Variants in ADCY3 observed in about 807,000 individuals in gnomAD.
The protein encoded by ADCY3 is adenylate cyclase 3.
A neutral mutation model predicts 119.4 loss-of-function variants in ADCY3; 70 were observed. The observed-to-expected ratio is 0.59, with a 90% CI of 0.48 to 0.72. The LOEUF (loss-of-function observed/expected upper bound fraction) is 0.72. Among genes scored for constraint, ADCY3 ranks in the 30% least tolerant of loss-of-function variants. The probability of loss-of-function intolerance (pLI) is 0.00; values close to 1 mark genes in which losing one functional copy is unlikely to be tolerated. For synonymous variants in ADCY3, 672 were observed against 621.4 expected (o/e 1.08, Z -1.21); for missense variants, 1,238 against 1,541.6 (o/e 0.80, Z 3.30).
At chr2:24,882,882 C>T (rs546534631) in intron 2 of ADCY3, among the ~76,000 whole-genome samples, 1 of 152,012 alleles carries the variant, frequency 6.6e-6, no homozygotes, top group Non-Finnish European at 1.5e-5. Context: ...CTTGGTGAAA[C>T]CCCGTCTCTA....
chr2:24,870,168 A>C (rs1023817465), intron 3 of ADCY3, among the ~76,000 whole-genome samples: 3 of 151,372 alleles, frequency 2.0e-5, no homozygotes, highest in African/African-American at 7.3e-5. Context: ...AAAAAAAAAA[A>C]AAATTAGCCA....
chr2:24,911,799 T>G (rs1663720229), intron 2 of ADCY3, among the ~76,000 whole-genome samples: 1 of 152,022 alleles, frequency 6.6e-6, no homozygotes, highest in Non-Finnish European at 1.5e-5. Context: ...TATTCCTGCC[T>G]CAGCCTCCCA....
At chr2:24,891,476 G>A (rs1351098123) in intron 2 of ADCY3, among the ~76,000 whole-genome samples, 1 of 152,146 alleles carries the variant, frequency 6.6e-6, no homozygotes, top group African/African-American at 2.4e-5. Context: ...TTCTGTTCAA[G>A]TAGCCCTTAT....
At chr2:24,838,811 G>A in intron 7 of ADCY3, 189 bp from the exon 8 acceptor site, 1 of 1,607,202 alleles carries the variant, frequency 6.2e-7, no homozygotes, top group Non-Finnish European at 8.5e-7. Context: ...AGCTGTGTGG[G>A]CCGCTAACTA....
At chr2:24,848,779 C>CTTAA (rs1461452369) in intron 3 of ADCY3, among the ~76,000 whole-genome samples, 1 of 152,188 alleles carries the variant, frequency 6.6e-6, no homozygotes, top group Non-Finnish European at 1.5e-5. Flanking sequence ...AAAGACAGGG[C>CTTAA]TTAATGTTCC....
chr2:24,839,420 C>A (rs530828666), intron 7 of ADCY3, among the ~76,000 whole-genome samples: 1 of 152,368 alleles, frequency 6.6e-6, no homozygotes, highest in East Asian at 1.9e-4. Context: ...AAGGCAGGGC[C>A]TCCATTATCC....
intron 3 of ADCY3, among the ~76,000 whole-genome samples, chr2:24,857,289 G>T (rs1042609256): frequency 6.6e-6 from 1 of 152,262 alleles, no homozygotes; most frequent in African/African-American, 2.4e-5. Flanking sequence ...ATGGCCACGT[G>T]TGTGGTACCT....
intron 3 of ADCY3, among the ~76,000 whole-genome samples, chr2:24,868,318 G>A (rs1178316958): frequency 6.6e-6 from 1 of 152,196 alleles, no homozygotes; most frequent in Non-Finnish European, 1.5e-5. Flanking sequence ...ACAATGTAAT[G>A]AGTGAGATCT....
chr2:24,903,020 G>A (rs1465794756), intron 2 of ADCY3, among the ~76,000 whole-genome samples: 4 of 152,076 alleles, frequency 2.6e-5, no homozygotes, highest in Non-Finnish European at 5.9e-5. Flanking sequence ...GGTGGCGGGC[G>A]CCTATAGTCC....
In ADCY3 at chr2:24,819,209, T is replaced by TTTATCAATACCTGTAAATTCTCTTAA. The variant is rs1667151646; in HGVS notation, c.*697_*722dup. The TTTATCAATACCTGTAAATTCTCTTAA allele has an allele frequency of 6.6e-6, 1 of 152,632 alleles. No homozygotes were observed. Among genetic ancestry groups the TTTATCAATACCTGTAAATTCTCTTAA allele is most frequent in the Non-Finnish European group, 1.5e-5 (1 of 68,052 alleles). The allele number at this position is 152,632 out of a possible 1,614,324, so 9.5% of individuals were successfully genotyped here. On this transcript the variant is annotated 3_prime_UTR_variant, in exon 22 of 22. Coordinates refer to ENST00000679454, the MANE Select transcript of ADCY3 (RefSeq NM_004036.5). ...AGCTTTTAATAAAACAGTCTTGTTCTTTATCAATACCTGTAAATTCTCTTA... is the reference window on the plus strand; with the variant it reads ...AGCTTTTAATAAAACAGTCTTGTTCTTTATCAATACCTGTAAATTCTCTTAATTATCAATACCTGTAAATTCTCTTA...
chr2:24,867,369 C>T (rs1674428945), intron 3 of ADCY3, among the ~76,000 whole-genome samples: 2 of 152,176 alleles, frequency 1.3e-5, no homozygotes, highest in South Asian at 2.1e-4. Flanking sequence ...CAATGTAATA[C>T]TATTAAGAGG....
rs977909065 is a variant in ADCY3 at position 24,878,044 on chromosome 2, G to C, written c.676-5325C>G. On this transcript the variant is annotated intron_variant, in intron 2 of 21. Transcript: ENST00000679454. This position sits in a 1 kb window ranked among gnomAD's most constrained non-coding sequence, Gnocchi z 4.0. ...GTGGTGACAGAGGTCCACAGCCCCT[G>C]GGGTCTCTATTTATAGATCTTTTTA... 8 of 396,838 alleles carry C rather than the reference G, an allele frequency of 2.0e-5. No homozygotes were observed. The highest frequency in any genetic ancestry group is 1.5e-4 in the African/African-American group (7 of 47,572). The allele number at this position is 396,838 out of a possible 1,614,324, so 24.6% of individuals were successfully genotyped here.
chr2:24,873,829 G>A (rs865971551), intron 2 of ADCY3, among the ~76,000 whole-genome samples: 6 of 152,194 alleles, frequency 3.9e-5, no homozygotes, highest in East Asian at 1.9e-4. Flanking sequence ...CTGGATCCCC[G>A]ACGCCTCGCC....
chr2:24,831,608 G>A, intron 12 of ADCY3, 54 bp downstream of exon 12: 2 of 1,377,030 alleles, frequency 1.5e-6, no homozygotes, highest in Non-Finnish European at 2.1e-6. Flanking sequence ...AGTTTTACAG[G>A]GAGTGCCACT....
rs1432875033 is a variant in ADCY3, at chr2:24,920,013, C to G, written c.-528G>C. On this transcript the variant is annotated 5_prime_UTR_variant, in exon 1 of 22. Transcript: ENST00000679454. The surrounding 1 kb of genome is among the most constrained non-coding windows in gnomAD (Gnocchi z 4.5). ...CCGTGCGGGGGCCGGCAGGCGCGGG[C>G]GGCGGCGAGCGCGGCTCTCCGGACC... 6.8e-6 allele frequency among the ~76,000 whole-genome samples: 1 copy of G among 147,260 alleles called. No individual in the cohort carries two copies.
chr2:24,842,558 C>A lies in ADCY3; in HGVS notation c.826-174G>T, dbSNP rs1483359172. 5 of 790,232 alleles carry A rather than the reference C, an allele frequency of 6.3e-6. 1 individual carries two copies. The allele number at this position is 790,232 out of a possible 1,614,324, so 49.0% of individuals were successfully genotyped here. ...GGAGCAGCCAGGGGTCTGGGACAGG[C>A]AGCTTCTGGCCCTGACAAGGCTGAG... On this transcript the variant is annotated intron_variant, in intron 3 of 21. Coordinates refer to ENST00000679454, the MANE Select transcript of ADCY3 (RefSeq NM_004036.5). This position sits in a 1 kb window ranked among gnomAD's most constrained non-coding sequence, Gnocchi z 4.9.
At chr2:24,877,133 T>A (rs1291985831) in intron 2 of ADCY3, among the ~76,000 whole-genome samples, 1 of 152,222 alleles carries the variant, frequency 6.6e-6, no homozygotes, top group African/African-American at 2.4e-5. Context: ...CCCCCACACA[T>A]GGCCCTGCCA....
chr2:24,874,770 G>A (rs563238767), intron 2 of ADCY3, among the ~76,000 whole-genome samples: 39 of 152,328 alleles, frequency 2.6e-4, no homozygotes, highest in African/African-American at 8.9e-4. Flanking sequence ...CCGGTGAGGG[G>A]CAGGATCAGA....
chr2:24,823,180 C>T, intron 18 of ADCY3, 29 bp downstream of exon 18: 1 of 1,597,354 alleles, frequency 6.3e-7, no homozygotes, highest in East Asian at 2.2e-5. Flanking sequence ...GGCTTCATGG[C>T]CAGAGTGCAG....
Sources: gnomAD v4.1 joint callset for allele counts (sites outside exome capture counted in the v4.1 genomes callset) on GRCh38, gnomAD v4.1.1 for gene constraint, Gnocchi (gnomAD v3.1) non-coding constraint, MANE v1.5 for transcripts, NCBI Gene and HGNC (gene_info 2026-07-23, HGNC 2026-07-21) for gene names.